TRAK1: variants seen among roughly 807,000 people sequenced by gnomAD.
The protein encoded by TRAK1 is trafficking kinesin protein 1.
TRAK1 carries 33 observed loss-of-function variants against 92.1 expected under a neutral mutation model. The ratio of observed to expected loss-of-function variants is 0.36; its 90% CI spans 0.27 to 0.48. TRAK1 has a LOEUF of 0.48. Ranked by LOEUF, TRAK1 falls within the 20% of genes least tolerant of loss-of-function variation. TRAK1 has a pLI of 0.99. For missense variants in TRAK1, 1,123 were observed against 1,257.9 expected, an observed-to-expected ratio of 0.89 and a Z score of 1.62; for synonymous variants, 521 against 517.3, an observed-to-expected ratio of 1.01 and a Z score of -0.10.
intron 4 of TRAK1, chr3:42,185,032 T>C (rs1704592800): frequency 2.0e-6 from 1 of 512,156 alleles, no homozygotes; most frequent in African/African-American, 1.9e-5. Flanking sequence ...TCAGGCCATG[T>C]GGATGGGATG....
intron 1 of TRAK1, among the ~76,000 whole-genome samples, chr3:42,098,464 G>A (rs1354643489): frequency 2.0e-5 from 3 of 152,140 alleles, no homozygotes; most frequent in African/African-American, 7.2e-5. Flanking sequence ...TGAATTATTA[G>A]CTGGAGTTAA....
intron 1 of TRAK1, among the ~76,000 whole-genome samples, chr3:42,074,972 T>A (rs1305104739): frequency 2.6e-5 from 4 of 152,174 alleles, no homozygotes; most frequent in Non-Finnish European, 5.9e-5. Context: ...TTTCTGTTCC[T>A]GCATTAAATC....
At chr3:42,069,559 T>G (rs896335248) in intron 1 of TRAK1, among the ~76,000 whole-genome samples, 11 of 152,192 alleles carry the variant, frequency 7.2e-5, no homozygotes, top group Admixed American at 5.9e-4. Context: ...TCACTTTTAT[T>G]TAAATAGGGA....
chr3:42,143,275 C>T (rs1698903868), intron 2 of TRAK1, among the ~76,000 whole-genome samples: 1 of 145,984 alleles, frequency 6.9e-6, no homozygotes, highest in Admixed American at 6.8e-5. Flanking sequence ...GAGGTGCTAA[C>T]TTGAATCTTT....
chr3:42,047,786 G>T (rs186090769), intron 1 of TRAK1, among the ~76,000 whole-genome samples: 1 of 152,234 alleles, frequency 6.6e-6, no homozygotes, highest in Non-Finnish European at 1.5e-5. Context: ...ACCTAGTGTT[G>T]GTAGCAGGGA....
intron 7 of TRAK1, among the ~76,000 whole-genome samples, chr3:42,192,212 A>C (rs1330916973): frequency 1.5e-4 from 22 of 148,908 alleles, no homozygotes; most frequent in African/African-American, 5.7e-4. Flanking sequence ...AGAATATTGG[A>C]ATTTTTTAAT....
At chr3:42,086,307 C>CTTTT (rs1354576530), upstream of TRAK1, among the ~76,000 whole-genome samples, 34 of 134,864 alleles carry the variant, frequency 2.5e-4, no homozygotes, top group African/African-American at 1.2e-3. Flanking sequence ...TCTTCTTTTT[C>CTTTT]TTTCTTTTTT....
rs574081592 is a variant in TRAK1, at chr3:42,048,536, A to G, written c.-519+34419A>G. ...TGTAACTTTTTCTTTTTCTTCGGTT[A>G]CAGTTCTTTTTTTCCTCTACAGTTC... On this transcript the variant is annotated intron_variant, in intron 1 of 16. Coordinates refer to the TRAK1 transcript ENST00000487159. Among the ~76,000 whole-genome samples, 90 of 148,550 alleles carry G rather than the reference A, an allele frequency of 6.1e-4. No homozygotes were observed. The East Asian group carries it at 0.02, about 34-fold the overall frequency.
chr3:42,220,582 G>A (rs1710250649), intron 15 of TRAK1: 27 of 985,420 alleles, frequency 2.7e-5, no homozygotes, highest in Non-Finnish European at 3.3e-5. Context: ...GCCCACGGGC[G>A]AGGCAGGGGG....
intron 1 of TRAK1, among the ~76,000 whole-genome samples, chr3:42,049,535 G>A (rs952752055): frequency 6.6e-6 from 1 of 151,762 alleles, no homozygotes; most frequent in Non-Finnish European, 1.5e-5. Context: ...TTCTAGGAAG[G>A]TTTCTTGTAT....
At chr3:42,177,347 AG>A (rs1190798090) in intron 3 of TRAK1, among the ~76,000 whole-genome samples, 1 of 152,244 alleles carries the variant, frequency 6.6e-6, no homozygotes, top group Non-Finnish European at 1.5e-5. Flanking sequence ...GCTTAAGATT[AG>A]GTGAGCTGCC....
chr3:42,214,037 G>T (rs1709387064), intron 14 of TRAK1, among the ~76,000 whole-genome samples: 2 of 152,156 alleles, frequency 1.3e-5, no homozygotes, highest in Admixed American at 1.3e-4. Context: ...AATGAAGAAT[G>T]AAAGAATTGA....
chr3:42,083,683 T>C (rs1704535951), upstream of TRAK1, among the ~76,000 whole-genome samples: 1 of 152,110 alleles, frequency 6.6e-6, no homozygotes, highest in African/African-American at 2.4e-5. Flanking sequence ...CATACCAGCA[T>C]GGGCAACATG....
intron 1 of TRAK1, among the ~76,000 whole-genome samples, chr3:42,035,307 A>G (rs1252561228): frequency 6.6e-6 from 1 of 152,038 alleles, no homozygotes; most frequent in African/African-American, 2.4e-5. Context: ...TAAGACTGGC[A>G]AGGCTCCTGG....
At chr3:42,195,835 A>G (rs1706539959) in intron 10 of TRAK1, among the ~76,000 whole-genome samples, 1 of 152,204 alleles carries the variant, frequency 6.6e-6, no homozygotes, top group African/African-American at 2.4e-5. Flanking sequence ...GCAGCAAAGA[A>G]TATTCAGTCC....
At chr3:42,221,207 C>T (rs1368655617) in intron 15 of TRAK1, among the ~76,000 whole-genome samples, 2 of 150,756 alleles carry the variant, frequency 1.3e-5, no homozygotes, top group Non-Finnish European at 2.9e-5. Context: ...GATTTTAAGT[C>T]TAGAGCATTT....
intron 2 of TRAK1, among the ~76,000 whole-genome samples, chr3:42,175,998 C>T (rs1321389821): frequency 1.3e-5 from 2 of 152,174 alleles, no homozygotes; most frequent in South Asian, 2.1e-4. Flanking sequence ...GTTTGTTGAG[C>T]GGCGAATCAG....
intron 1 of TRAK1, among the ~76,000 whole-genome samples, chr3:42,041,594 GC>G (rs1223076945): frequency 7.9e-6 from 1 of 126,624 alleles, no homozygotes; most frequent in Non-Finnish European, 1.5e-5. Flanking sequence ...CAATATGAGG[GC>G]CCTTTTTTTT....
intron 2 of TRAK1, chr3:42,149,219 G>A (rs1333914229): frequency 6.2e-5 from 73 of 1,176,648 alleles, no homozygotes; most frequent in Non-Finnish European, 6.9e-5. Flanking sequence ...TGGATAGGAC[G>A]ATCCTGGCTA....
Sources: gnomAD v4.1 joint callset for allele counts (sites outside exome capture counted in the v4.1 genomes callset) on GRCh38, gnomAD v4.1.1 for gene constraint, MANE v1.5 for transcripts, NCBI Gene and HGNC (gene_info 2026-07-23, HGNC 2026-07-21) for gene names.